The following NFRKB variants were observed in gnomAD, a reference collection of about 807,000 sequenced individuals.
The protein encoded by NFRKB is nuclear factor related to kappaB binding protein.
NFRKB carries 62 observed loss-of-function variants against 135.7 expected under a neutral mutation model. The ratio of observed to expected loss-of-function variants is 0.46; its 90% CI spans 0.37 to 0.56. The LOEUF is 0.56. NFRKB is among the 20% of genes least tolerant of loss of function. The probability of loss-of-function intolerance (pLI) is 0.00; values close to 1 mark genes in which losing one functional copy is unlikely to be tolerated. For synonymous variants in NFRKB, 678 were observed against 635.6 expected (o/e 1.07, Z -1.00); for missense variants, 1,545 against 1,662.0 (o/e 0.93, Z 1.22).
rs760573029 is a variant in NFRKB, at chr11:129,869,511, CA to C, written c.3513del (p.Val1172CysfsTer19). 1.9e-6 allele frequency: 3 copies of C among 1,611,140 alleles called. No homozygotes were observed. The highest frequency in any genetic ancestry group is 3.3e-5 in the Admixed American group (2 of 59,894). ...TTACTCACAGCCTGGGACGTGGACA[CA>C]ACCGTGGTGCTGACAGGGACCTGCC... ...TVRQVPVSTT[V>X]VSTSQAGKLP... On this transcript the variant is annotated frameshift_variant, in exon 24 of 27. Transcript: ENST00000682444. LOFTEE classifies it high-confidence loss of function.
Position 129,886,710 on chromosome 11 carries a change from GA to G in NFRKB, c.338-267del, listed in dbSNP as rs532986090. The stretch of plus-strand genomic sequence containing the variant: ...TAGAACTGACACATGGCATGGGTCA[GA>G]GTGGAATATGCAGGAAGTCCTGCCT... On this transcript the variant is annotated intron_variant, in intron 4 of 26. Transcript: ENST00000682444. Among the ~76,000 whole-genome samples the G allele has an allele frequency of 4.6e-5, 7 of 152,340 alleles. No individual in the cohort carries two copies. In the East Asian group the frequency reaches 1.3e-3, roughly 29 times the overall value.
In NFRKB at chr11:129,873,811, T is replaced by C. The variant is rs373519379; in HGVS notation, c.2484A>G (p.Pro828=). Residue 828 remains proline (P), a synonymous_variant, in exon 22 of 27, where the codon CCA becomes CCG. Transcript: ENST00000682444. ...QQSGGPAQTL[P]QMPAGPQIRV... ...GGATCTGCGGTCCTGCTGGCATCTG[T>C]GGCAATGTCTGTGCCGGCCCTCCCG... is the stretch of plus-strand genomic sequence containing the variant. The C allele has an allele frequency of 2.5e-6, 4 of 1,614,020 alleles. No individual in the cohort carries two copies. The highest frequency in any genetic ancestry group is 3.4e-6 in the Non-Finnish European group (4 of 1,180,036).
Position 129,881,724 on chromosome 11 carries a change from T to TA in NFRKB, c.1318+2dup. ...ACTGACCCTACAAAAAAGAGCATCT[T>TA]ACCTCGACTTTCTCCAGCAAGATAC... On this transcript the variant is annotated splice_region_variant and intron_variant, in intron 12 of 26. Coordinates refer to ENST00000682444, the MANE Select transcript of NFRKB (RefSeq NM_001143835.2). 1 of 1,614,026 alleles carries TA rather than the reference T, an allele frequency of 6.2e-7. No individual in the cohort carries two copies. Among genetic ancestry groups the TA allele is most frequent in the Non-Finnish European group, 8.5e-7 (1 of 1,179,938 alleles).
chr11:129,887,077 G>A (rs1949314331), intron 4 of NFRKB, among the ~76,000 whole-genome samples: 1 of 152,214 alleles, frequency 6.6e-6, no homozygotes, highest in Admixed American at 6.5e-5. Context: ...AATTCCAGAT[G>A]TGCTGCCCAT....
At position 129,873,786 on chromosome 11, in the gene NFRKB, G is replaced by C. The variant is rs753005385; in HGVS notation, c.2509C>G (p.Arg837Gly). The C allele has an allele frequency of 3.7e-6, 6 of 1,614,144 alleles. No individual in the cohort carries two copies. The East Asian group carries it at 1.1e-4, about 30-fold the overall frequency. Residue 837 changes from arginine (R) to glycine (G), a missense_variant, in exon 22 of 27, where the codon CGG becomes GGG. Physicochemically the swap from Arg to Gly is moderately radical, Grantham distance 125. Around this residue, in one of 3 missense-constraint regions of NFRKB, gnomAD observed 753 missense variants for 804.3 expected, o/e 0.94. Transcript: ENST00000682444. ...LPQMPAGPQI[R>G]VPATATQTKV... is the part of the protein sequence containing the mutation. The stretch of plus-strand genomic sequence containing the variant: ...GTCTGTGTGGCAGTGGCTGGAACCC[G>C]GATCTGCGGTCCTGCTGGCATCTGT...
chr11:129,892,882 C>T lies in NFRKB; in HGVS notation c.-21-12G>A. The T allele has an allele frequency of 5.6e-6, 9 of 1,614,116 alleles. No individual in the cohort carries two copies. Among genetic ancestry groups the T allele is most frequent in the Non-Finnish European group, 7.6e-6 (9 of 1,179,978 alleles). On this transcript the variant is annotated splice_polypyrimidine_tract_variant and intron_variant, in intron 2 of 26. Coordinates refer to ENST00000682444, the MANE Select transcript of NFRKB (RefSeq NM_001143835.2). ...TCTCCACAGGTACTCTGGACAAAGA[C>T]ATGCATCTTGAGACAGAAAGGCAGA... is the stretch of plus-strand genomic sequence containing the variant.
chr11:129,874,390 G>C lies in NFRKB; in HGVS notation c.2059-57C>G. The C allele has an allele frequency of 6.6e-7, 1 of 1,524,028 alleles. No individual in the cohort carries two copies. Among genetic ancestry groups the C allele is most frequent in the Non-Finnish European group, 8.8e-7 (1 of 1,138,654 alleles). 94.4% of individuals were successfully genotyped at this position (1,524,028 alleles called of 1,614,324 possible). ...TGTCGTGAAGATCCCCCTAAAGGAA[G>C]GGACACCCCTACAGCTCCTGATGCC... On this transcript the variant is annotated intron_variant, in intron 20 of 26. Transcript: ENST00000682444. This position sits in a 1 kb window ranked among gnomAD's most constrained non-coding sequence, Gnocchi z 4.5.
Position 129,888,550 on chromosome 11 carries a change from C to G in NFRKB, c.337+44G>C, listed in dbSNP as rs774028236. 1.9e-6 allele frequency: 3 copies of G among 1,542,602 alleles called. No homozygotes were observed. The East Asian group carries it at 6.7e-5, about 35-fold the overall frequency. On this transcript the variant is annotated intron_variant, in intron 4 of 26. Coordinates refer to ENST00000682444, the MANE Select transcript of NFRKB (RefSeq NM_001143835.2). The stretch of plus-strand genomic sequence containing the variant: ...AATACCCACATAAAGTGAACGTGTG[C>G]CCATCCACCACCCCCCTCAAAGAAA...
rs1417120116 is a variant in NFRKB, at chr11:129,881,348, A to C, written c.1384+95T>G. ...AGGTCTGATATTGCTTTTTAAAACC[A>C]ATCTGCAGGACTATATTGACTGGAA... On this transcript the variant is annotated intron_variant, in intron 13 of 26. Coordinates refer to ENST00000682444, the MANE Select transcript of NFRKB (RefSeq NM_001143835.2). 2.4e-6 allele frequency: 3 copies of C among 1,270,214 alleles called. No homozygotes were observed. In the Admixed American group the frequency reaches 5.5e-5, roughly 23 times the overall value. The allele number at this position is 1,270,214 out of a possible 1,614,324, so 78.7% of individuals were successfully genotyped here.
rs369250022 is a variant in NFRKB at position 129,883,131 on chromosome 11, A to C, written c.892T>G (p.Ser298Ala). Residue 298 changes from serine (S) to alanine (A), a missense_variant, in exon 9 of 27, where the codon TCT (serine) becomes GCT (alanine). Ser to Ala is a moderately conservative substitution (Grantham distance 99). Coordinates refer to ENST00000682444, the MANE Select transcript of NFRKB (RefSeq NM_001143835.2). The stretch of plus-strand genomic sequence containing the variant: ...GGGCCCAGTCATTTACCTGCCAGAG[A>C]GCCCTTCCTGCCAGCATTTACTCGA... ...MTRVNAGRKGSLAALYDLAVL... is the reference protein window; with the variant it reads ...MTRVNAGRKGALAALYDLAVL... 1.9e-6 allele frequency: 3 copies of C among 1,613,928 alleles called. No individual in the cohort carries two copies. The highest frequency in any genetic ancestry group is 1.7e-6 in the Non-Finnish European group (2 of 1,180,008).
intron 13 of NFRKB, 37 bp downstream of exon 13, chr11:129,881,406 C>G: frequency 6.2e-7 from 1 of 1,605,646 alleles, no homozygotes; most frequent in Non-Finnish European, 8.5e-7. Context: ...AATGGGAGAA[C>G]GAAAACCTGT....
At chr11:129,885,990 G>A (rs1444398073) in intron 5 of NFRKB, among the ~76,000 whole-genome samples, 1 of 152,158 alleles carries the variant, frequency 6.6e-6, no homozygotes, top group Non-Finnish European at 1.5e-5. Flanking sequence ...AGAGGCCCAT[G>A]CACACTTTCA....
At chr11:129,871,157 T>C (rs963903516) in intron 23 of NFRKB, among the ~76,000 whole-genome samples, 1 of 152,242 alleles carries the variant, frequency 6.6e-6, no homozygotes, top group Admixed American at 6.5e-5. Flanking sequence ...ACCTATAATA[T>C]CTAATACAAT....
At chr11:129,870,864 C>T (rs60335545) in intron 23 of NFRKB, among the ~76,000 whole-genome samples, 22,539 of 152,140 alleles carry the variant, frequency 0.15, 1,797 homozygotes, top group South Asian at 0.26. Flanking sequence ...TGCAAACATG[C>T]TATAATACTT....
intron 23 of NFRKB, among the ~76,000 whole-genome samples, chr11:129,870,875 C>T (rs554776184): frequency 6.6e-6 from 1 of 152,170 alleles, no homozygotes; most frequent in Non-Finnish European, 1.5e-5. Flanking sequence ...TATAATACTT[C>T]CCACCCTAAA....
rs1200100663 is a variant in NFRKB, at chr11:129,869,991, C to A, written c.3034G>T (p.Val1012Phe). 1 of 1,614,094 alleles carries A rather than the reference C, an allele frequency of 6.2e-7. No individual in the cohort carries two copies. ...GCTGCATGTACTGGATTGGAAGTGA[C>A]GTGTAAGGTGGCAGAGATGCCTTTG... The part of the protein sequence containing the change: ...TGKGISATLH[V>F]TSNPVHAADS... Residue 1012 changes from valine (V) to phenylalanine (F), a missense_variant, in exon 24 of 27, where the codon GTC (valine) becomes TTC (phenylalanine). Val to Phe is a conservative substitution (Grantham distance 50). Around this residue, in one of 3 missense-constraint regions of NFRKB, gnomAD observed 753 missense variants for 804.3 expected, o/e 0.94. Transcript: ENST00000682444.
chr11:129,872,491 G>C (rs752364174), intron 23 of NFRKB: 14 of 171,044 alleles, frequency 8.2e-5, no homozygotes, highest in Non-Finnish European at 1.5e-4. Context: ...TACTGCTTAC[G>C]ATTCTTTGAA....
chr11:129,888,008 G>A (rs1949362169), intron 4 of NFRKB, among the ~76,000 whole-genome samples: 1 of 152,182 alleles, frequency 6.6e-6, no homozygotes, highest in Non-Finnish European at 1.5e-5. Flanking sequence ...CTGCACTCCA[G>A]CCTGGGCGAC....
chr11:129,879,159 A>C (rs1388522810), intron 13 of NFRKB, among the ~76,000 whole-genome samples: 1 of 152,204 alleles, frequency 6.6e-6, no homozygotes, highest in Non-Finnish European at 1.5e-5. Context: ...TAGAAGCCAC[A>C]GGACCATCAT....
Sources: gnomAD v4.1 joint callset for allele counts (sites outside exome capture counted in the v4.1 genomes callset) on GRCh38, gnomAD v4.1.1 for gene constraint, gnomAD v4.1.1 regional missense constraint, Gnocchi (gnomAD v3.1) non-coding constraint, MANE v1.5 for transcripts, NCBI Gene and HGNC (gene_info 2026-07-23, HGNC 2026-07-21) for gene names.